The following POLR3E variants were observed in gnomAD, a reference collection of about 807,000 sequenced individuals.
POLR3E encodes RNA polymerase III subunit E.
A neutral mutation model predicts 96.6 loss-of-function variants in POLR3E; 41 were observed. The ratio of observed to expected loss-of-function variants is 0.42; its 90% CI spans 0.33 to 0.55. The LOEUF (loss-of-function observed/expected upper bound fraction) is 0.55, where lower values mean the gene tolerates loss of function less well. POLR3E is among the 20% of genes least tolerant of loss of function. The probability of loss-of-function intolerance (pLI) is 0.06; values close to 1 mark genes in which losing one functional copy is unlikely to be tolerated. For missense variants in POLR3E, 849 were observed against 952.1 expected (o/e 0.89, Z 1.43); for synonymous variants, 396 against 383.6 (o/e 1.03, Z -0.38).
In POLR3E at chr16:22,313,663, G is replaced by A. The variant is rs756471854; in HGVS notation, c.408G>A (p.Arg136=). ...CTTTACATGGCATCCTGCAGCTGCGGCCCAGCTTCTCCTACCTGGATAAGG... is the reference window on the plus strand; with the variant it reads ...CTTTACATGGCATCCTGCAGCTGCGACCCAGCTTCTCCTACCTGGATAAGG... ...LTPLHGILQL[R]PSFSYLDKAD... The change falls in exon 7 of 21, where the codon CGG becomes CGA. Residue 136 remains arginine, a synonymous_variant. Coordinates refer to ENST00000299853, the MANE Select transcript of POLR3E (RefSeq NM_018119.4). The surrounding 1 kb of genome is among the most constrained non-coding windows in gnomAD (Gnocchi z 4.1). The A allele has an allele frequency of 5.6e-6, 9 of 1,613,868 alleles. No homozygotes were observed. In the East Asian group the frequency reaches 1.3e-4, roughly 24 times the overall value.
In POLR3E at chr16:22,324,505, C is replaced by T. The variant is rs2048537312; in HGVS notation, c.1131C>T (p.Leu377=). 1 of 1,611,498 alleles carries T rather than the reference C, an allele frequency of 6.2e-7. No homozygotes were observed. The highest frequency in any genetic ancestry group is 8.5e-7 in the Non-Finnish European group (1 of 1,178,858). Residue 377 remains leucine, a splice_region_variant and synonymous_variant, in exon 16 of 21, where the codon CTC becomes CTT. Transcript: ENST00000299853. ...VRKEVATVTK[L]CAEDVKDFLE... is the part of the protein sequence containing the mutation. Reference sequence around the variant, plus strand: ...ACGCTGGGCCCCCTCCCCTCCAGCTCTGCGCCGAGGATGTGAAGGACTTCC... The same window carrying T: ...ACGCTGGGCCCCCTCCCCTCCAGCTTTGCGCCGAGGATGTGAAGGACTTCC...
chr16:22,309,584 C>A, intron 6 of POLR3E, 74 bp downstream of exon 6: 1 of 1,065,010 alleles, frequency 9.4e-7, no homozygotes, highest in Non-Finnish European at 1.5e-6. Flanking sequence ...ACCTCCCCAG[C>A]CTGGTGTCCA....
rs2048327727 is a variant in POLR3E at position 22,315,155 on chromosome 16, C to G, written c.589C>G (p.Gln197Glu). 1 of 1,611,516 alleles carries G rather than the reference C, an allele frequency of 6.2e-7. No individual in the cohort carries two copies. Among genetic ancestry groups the G allele is most frequent in the Admixed American group, 1.7e-5 (1 of 59,706 alleles). ...CCGTGTGCAGTCCTATGAGTTCCTG[C>G]AGAAGAAGCACGCAGAGGAGCCCTG... ...QRRVQSYEFL[Q>E]KKHAEEPWVH... Residue 197 changes from glutamine to glutamate, a missense_variant, in exon 9 of 21, where the codon CAG becomes GAG. Physicochemically the swap from Gln to Glu is conservative, Grantham distance 29 (BLOSUM62 2). Coordinates refer to ENST00000299853, the MANE Select transcript of POLR3E (RefSeq NM_018119.4).
At position 22,322,365 on chromosome 16, in the gene POLR3E, A is replaced by C. The variant is rs1315860232; in HGVS notation, c.987-485A>C. On this transcript the variant is annotated intron_variant, in intron 13 of 20. Coordinates refer to ENST00000299853, the MANE Select transcript of POLR3E (RefSeq NM_018119.4). The surrounding 1 kb of genome is among the most constrained non-coding windows in gnomAD (Gnocchi z 5.2). ...GAAGTTCCCTGAACCTTGAGTGCTGAGCCTGTTCTCTCCGAGGGCTAACAT... is the reference window on the plus strand; with the variant it reads ...GAAGTTCCCTGAACCTTGAGTGCTGCGCCTGTTCTCTCCGAGGGCTAACAT... Among the ~76,000 whole-genome samples, 23 of 152,102 alleles carry C rather than the reference A, an allele frequency of 1.5e-4. No individual in the cohort carries two copies. Among genetic ancestry groups the C allele is most frequent in the Non-Finnish European group, 3.4e-4 (23 of 68,012 alleles).
rs2048822206 is a variant in POLR3E at position 22,335,089 on chromosome 16, A to G, written c.*1389A>G. 6.6e-6 allele frequency: 1 copy of G among 152,242 alleles called. No homozygotes were observed. Among genetic ancestry groups the G allele is most frequent in the Non-Finnish European group, 1.5e-5 (1 of 68,046 alleles). The allele number at this position is 152,242 out of a possible 1,614,324, so 9.4% of individuals were successfully genotyped here. The stretch of plus-strand genomic sequence containing the variant: ...TGTGAACCTGAAAAGTAAAGTTACC[A>G]AAAGCGATTTGGAATATGTCTCAGC... On this transcript the variant is annotated 3_prime_UTR_variant, in exon 21 of 21. Transcript: ENST00000299853.
In POLR3E at chr16:22,313,696, C is replaced by G; in HGVS notation, c.441C>G (p.Ala147=). ...TCTCCTACCTGGATAAGGCTGACGCCAAGCACCGGGAGAGGGAGGCGGCCA... is the reference window on the plus strand; with the variant it reads ...TCTCCTACCTGGATAAGGCTGACGCGAAGCACCGGGAGAGGGAGGCGGCCA... ...PSFSYLDKAD[A]KHREREAANE... is the part of the protein sequence containing the mutation. The change falls in exon 7 of 21, where the codon GCC becomes GCG. Residue 147 remains alanine, a synonymous_variant. Coordinates refer to ENST00000299853, the MANE Select transcript of POLR3E (RefSeq NM_018119.4). This position sits in a 1 kb window ranked among gnomAD's most constrained non-coding sequence, Gnocchi z 4.1. 6.2e-7 allele frequency: 1 copy of G among 1,613,472 alleles called. No individual in the cohort carries two copies. Among genetic ancestry groups the G allele is most frequent in the Non-Finnish European group, 8.5e-7 (1 of 1,179,796 alleles).
rs1466248883 is a variant in POLR3E, at chr16:22,333,707, T to C, written c.*7T>C. The C allele has an allele frequency of 6.3e-7, 1 of 1,594,268 alleles. No individual in the cohort carries two copies. Among genetic ancestry groups the C allele is most frequent in the Admixed American group, 1.7e-5 (1 of 59,976 alleles). ...AGGGACAGTACAGTCTTGACAATAG[T>C]AGCAAACTACTAACCCAGCAAATCT... On this transcript the variant is annotated 3_prime_UTR_variant, in exon 21 of 21. Coordinates refer to ENST00000299853, the MANE Select transcript of POLR3E (RefSeq NM_018119.4).
rs755707764 is a variant in POLR3E, at chr16:22,315,101, C to A, written c.535C>A (p.Arg179=). The A allele has an allele frequency of 6.2e-6, 10 of 1,613,244 alleles. No individual in the cohort carries two copies. In the South Asian group the frequency reaches 1.1e-4, roughly 18 times the overall value. The change falls in exon 9 of 21, where the codon CGG becomes AGG. Residue 179 remains arginine (R), a synonymous_variant. Coordinates refer to ENST00000299853, the MANE Select transcript of POLR3E (RefSeq NM_018119.4). ...DVKQITVRFS[R]PESEQARQRR... ...CTTCCCACCGCAGGTGCGGTTCTCC[C>A]GGCCGGAGTCAGAGCAGGCCCGCCA...
intron 18 of POLR3E, chr16:22,328,274 C>G: frequency 1.8e-6 from 1 of 541,806 alleles, no homozygotes; most frequent in Non-Finnish European, 3.3e-6. Context: ...CCATCACACT[C>G]CCCCTCTCGC....
chr16:22,321,809 G>A (rs970267105), intron 13 of POLR3E, among the ~76,000 whole-genome samples: 5 of 152,302 alleles, frequency 3.3e-5, no homozygotes, highest in Middle Eastern at 6.8e-3. Context: ...CACCTGCCCC[G>A]GCACTTCTGT....
intron 1 of POLR3E, among the ~76,000 whole-genome samples, chr16:22,297,783 C>G (rs909053417): frequency 4.6e-5 from 7 of 152,258 alleles, no homozygotes; most frequent in African/African-American, 1.7e-4. Context: ...GGCGGTGACT[C>G]AGGGTCCAGC....
chr16:22,309,579 C>T, intron 6 of POLR3E, 69 bp downstream of exon 6: 1 of 1,108,714 alleles, frequency 9.0e-7, no homozygotes, highest in Non-Finnish European at 1.4e-6. Flanking sequence ...AGAGTACCTC[C>T]CCAGCCTGGT....
intron 13 of POLR3E, among the ~76,000 whole-genome samples, chr16:22,319,267 C>G (rs919516397): frequency 6.6e-6 from 1 of 152,192 alleles, no homozygotes; most frequent in African/African-American, 2.4e-5. Flanking sequence ...GCCACCGGGC[C>G]CGGCCTACGC....
chr16:22,297,976 G>A (rs997564770), intron 1 of POLR3E, among the ~76,000 whole-genome samples: 1 of 152,378 alleles, frequency 6.6e-6, no homozygotes, highest in South Asian at 2.1e-4. Flanking sequence ...GCCCCGATGG[G>A]CAGGGAGGGC....
chr16:22,325,737 G>A, intron 17 of POLR3E, 24 bp from the exon 18 acceptor site: 1 of 1,530,240 alleles, frequency 6.5e-7, no homozygotes, highest in Non-Finnish European at 8.8e-7. Flanking sequence ...GCCCTCCTGA[G>A]CAGTGCTGCC....
intron 1 of POLR3E, among the ~76,000 whole-genome samples, chr16:22,299,642 G>C (rs1308768671): frequency 2.6e-5 from 4 of 152,060 alleles, no homozygotes; most frequent in African/African-American, 9.7e-5. Context: ...TGGAACTCCT[G>C]ACCTCAGGTG....
chr16:22,316,807 C>G, intron 10 of POLR3E, 121 bp downstream of exon 10: 2 of 1,004,202 alleles, frequency 2.0e-6, no homozygotes, highest in Non-Finnish European at 3.1e-6. Context: ...AGCCCATTGT[C>G]CCCTGGAGAA....
Position 22,313,842 on chromosome 16 carries a change from C to G in POLR3E, c.472+115C>G. The G allele has an allele frequency of 4.0e-6, 3 of 745,428 alleles. No homozygotes were observed. Among genetic ancestry groups the G allele is most frequent in the Non-Finnish European group, 6.8e-6 (3 of 441,134 alleles). The allele number at this position is 745,428 out of a possible 1,614,324, so 46.2% of individuals were successfully genotyped here. Reference sequence around the variant, plus strand: ...GTTTAGCAGGATCCCTGGCCTCTACCTACTAGATGCCAGAAGCACCCACCC... The same window carrying G: ...GTTTAGCAGGATCCCTGGCCTCTACGTACTAGATGCCAGAAGCACCCACCC... On this transcript the variant is annotated intron_variant, in intron 7 of 20. Coordinates refer to ENST00000299853, the MANE Select transcript of POLR3E (RefSeq NM_018119.4). This position sits in a 1 kb window ranked among gnomAD's most constrained non-coding sequence, Gnocchi z 4.1.
Position 22,324,539 on chromosome 16 carries a change from A to C in POLR3E, c.1165A>C (p.Met389Leu). 6.2e-7 allele frequency: 1 copy of C among 1,612,546 alleles called. No homozygotes were observed. Among genetic ancestry groups the C allele is most frequent in the Non-Finnish European group, 8.5e-7 (1 of 1,179,414 alleles). Residue 389 changes from methionine (M) to leucine (L), a missense_variant, in exon 16 of 21, where the codon ATG (methionine) becomes CTG (leucine). Transcript: ENST00000299853. ...AEDVKDFLEH[M>L]AVVRINKGWE... ...GGATGTGAAGGACTTCCTGGAGCAC[A>C]TGGCCGTGGTGAGGATCAACAAAGG...
Sources: allele counts gnomAD v4.1 joint callset (sites outside exome capture counted in the v4.1 genomes callset), GRCh38; gene constraint gnomAD v4.1.1; non-coding constraint Gnocchi (gnomAD v3.1); transcripts MANE v1.5; gene names NCBI Gene and HGNC (gene_info 2026-07-23, HGNC 2026-07-21).